Variants in ANKRD36 observed in about 807,000 individuals in gnomAD.
The protein encoded by ANKRD36 is ankyrin repeat domain-containing protein 36A.
Under a neutral mutation model 278.1 loss-of-function variants are expected in ANKRD36, and 179 were observed. The observed-to-expected ratio is 0.64, with a 90% confidence interval of 0.57 to 0.73. The LOEUF is 0.73. Among genes scored for constraint, ANKRD36 ranks in the 30% least tolerant of loss-of-function variants. The pLI is 0.00. For missense variants in ANKRD36, 1,159 were observed against 1,956.7 expected (o/e 0.59, Z 7.69); for synonymous variants, 320 against 641.1 (o/e 0.50, Z 7.57).
chr2:97,230,060 T>C (rs556851030), intron 67 of ANKRD36, among the ~76,000 whole-genome samples: 257 of 152,178 alleles, frequency 1.7e-3, no homozygotes, highest in Middle Eastern at 3.4e-3. Flanking sequence ...TCTCTCTGGC[T>C]GCCCTTAACA....
intron 10 of ANKRD36, among the ~76,000 whole-genome samples, chr2:97,145,283 G>A (rs2043976769): frequency 6.6e-6 from 1 of 152,054 alleles, no homozygotes; most frequent in African/African-American, 2.4e-5. Flanking sequence ...TTGCATAAAG[G>A]AAAATTTGAT....
chr2:97,148,138 C>G (rs1246921632), intron 11 of ANKRD36, among the ~76,000 whole-genome samples: 2 of 152,038 alleles, frequency 1.3e-5, no homozygotes, highest in East Asian at 3.9e-4. Flanking sequence ...ATCTGTGATC[C>G]AGGGTGGATG....
At chr2:97,169,915 A>G (rs190177072) in intron 22 of ANKRD36, among the ~76,000 whole-genome samples, 34 of 31,614 alleles carry the variant, frequency 1.1e-3, no homozygotes, top group African/African-American at 5.3e-3. Flanking sequence ...ACAGAATTAG[A>G]AAAAACTACT....
intron 36 of ANKRD36, among the ~76,000 whole-genome samples, chr2:97,191,893 A>G (rs2058595775): frequency 6.6e-6 from 1 of 151,714 alleles, no homozygotes; most frequent in Non-Finnish European, 1.5e-5. Context: ...AGTTATAGAA[A>G]TGAGACCAAC....
At chr2:97,203,874 A>G (rs1317515131) in intron 48 of ANKRD36, among the ~76,000 whole-genome samples, 194 bp from the exon 49 acceptor site, 3 of 151,828 alleles carry the variant, frequency 2.0e-5, no homozygotes, top group African/African-American at 7.3e-5. Context: ...TTCTAAGACT[A>G]TATTTCATGG....
chr2:97,133,789 C>T lies in ANKRD36; in HGVS notation c.799+6655C>T, dbSNP rs182113502. On this transcript the variant is annotated intron_variant, in intron 6 of 75. Coordinates refer to ENST00000420699, the MANE Select transcript of ANKRD36 (RefSeq NM_001354587.1). The stretch of plus-strand genomic sequence containing the variant: ...TATTTTAAGAGCAGTTTTATATTCT[C>T]AGCAATATTGAAAAGAACCTAAAGA... 1.5e-3 allele frequency among the ~76,000 whole-genome samples: 229 copies of T among 151,998 alleles called. 1 individual carries two copies. The highest frequency in any genetic ancestry group is 5.3e-3 in the African/African-American group (221 of 41,502).
intron 6 of ANKRD36, among the ~76,000 whole-genome samples, chr2:97,137,290 A>T (rs188340650): frequency 9.2e-5 from 14 of 151,718 alleles, no homozygotes; most frequent in Non-Finnish European, 2.1e-4. Flanking sequence ...GGGATTACAT[A>T]CGTGTGCCAC....
rs2034233452 is a variant in ANKRD36 at position 97,113,756 on chromosome 2, G to C, written c.17G>C (p.Arg6Pro). 1.2e-6 allele frequency: 2 copies of C among 1,612,558 alleles called. No individual in the cohort carries two copies. Among genetic ancestry groups the C allele is most frequent in the Non-Finnish European group, 1.7e-6 (2 of 1,179,954 alleles). Residue 6 changes from arginine (R) to proline (P), a missense_variant, in exon 1 of 76, where the codon CGG becomes CCG. Coordinates refer to ENST00000420699, the MANE Select transcript of ANKRD36 (RefSeq NM_001354587.1). MEDGK[R>P]ERWPTLMERL... ...CCGACGATTATGGAAGACGGCAAGC[G>C]GGAGAGGTGGCCCACCCTCATGGAG...
chr2:97,125,640 G>A (rs547662294), intron 5 of ANKRD36, among the ~76,000 whole-genome samples: 155 of 151,358 alleles, frequency 1.0e-3, no homozygotes, highest in South Asian at 2.5e-3. Flanking sequence ...CTCAGGTAGT[G>A]GAAGCTTCTA....
intron 11 of ANKRD36, 91 bp downstream of exon 11, chr2:97,146,607 T>C (rs988904525): frequency 7.9e-5 from 94 of 1,188,656 alleles, no homozygotes; most frequent in Admixed American, 1.4e-4. Context: ...TCCTCTGTGC[T>C]AGACACCATA....
intron 6 of ANKRD36, among the ~76,000 whole-genome samples, chr2:97,135,837 G>A (rs1227297957): frequency 6.6e-6 from 1 of 151,896 alleles, no homozygotes; most frequent in Non-Finnish European, 1.5e-5. Flanking sequence ...TATACATCTG[G>A]AATTTTATTT....
chr2:97,185,508 C>T lies in ANKRD36; in HGVS notation c.2039C>T (p.Thr680Ile). The stretch of plus-strand genomic sequence containing the variant: ...ATAAAGGATGGACTACAGTGTGGGA[C>T]AGGTAATTTTGCAAAACACATTTAA... ...TEIKDGLQCG[T>I]VSSQKQPALK... Residue 680 changes from threonine to isoleucine, a missense_variant and splice_region_variant, in exon 30 of 76, where the codon ACA becomes ATA. Coordinates refer to ENST00000420699, the MANE Select transcript of ANKRD36 (RefSeq NM_001354587.1). The T allele has an allele frequency of 6.2e-7, 1 of 1,610,332 alleles. No homozygotes were observed. The highest frequency in any genetic ancestry group is 1.3e-5 in the African/African-American group (1 of 74,762).
intron 67 of ANKRD36, among the ~76,000 whole-genome samples, chr2:97,232,828 A>C (rs901078715): frequency 6.6e-6 from 1 of 152,026 alleles, no homozygotes; most frequent in Admixed American, 6.6e-5. Context: ...GTACAAAAGC[A>C]AGAAACCCAG....
At chr2:97,205,238 TTGA>T (rs1558765028) in intron 50 of ANKRD36, among the ~76,000 whole-genome samples, 2 of 151,658 alleles carry the variant, frequency 1.3e-5, no homozygotes, top group Non-Finnish European at 3.0e-5. Flanking sequence ...AAATTGATAA[TTGA>T]TGATATTTTT....
In ANKRD36 at chr2:97,171,625, G is replaced by A. The variant is rs1292157411; in HGVS notation, c.1633+3858G>A. ...TAGATGACGAGTTAGTGGGTGCAGC[G>A]CACCAGCATGGCACATGTATACATA... On this transcript the variant is annotated intron_variant, in intron 22 of 75. Transcript: ENST00000420699. Among the ~76,000 whole-genome samples the A allele has an allele frequency of 6.3e-3, 880 of 138,624 alleles. 3 individuals are homozygous for A. The highest frequency in any genetic ancestry group is 0.01 in the Non-Finnish European group (670 of 64,630). The allele number at this position is 138,624 out of a possible 152,430, so 90.9% of individuals were successfully genotyped here.
intron 30 of ANKRD36, among the ~76,000 whole-genome samples, chr2:97,186,091 A>T (rs569357446): frequency 6.6e-6 from 1 of 151,956 alleles, no homozygotes; most frequent in Admixed American, 6.6e-5. Flanking sequence ...AAAAGATTTG[A>T]TTTTGGCAGC....
intron 3 of ANKRD36, among the ~76,000 whole-genome samples, chr2:97,120,829 T>C (rs1478613437): frequency 1.3e-5 from 2 of 152,130 alleles, no homozygotes; most frequent in African/African-American, 4.8e-5. Context: ...TTAGTTTGTG[T>C]CTACAAATTG....
chr2:97,192,179 A>G (rs756619788), intron 36 of ANKRD36, among the ~76,000 whole-genome samples: 5 of 151,718 alleles, frequency 3.3e-5, no homozygotes, highest in Admixed American at 6.6e-5. Context: ...TATTGTGGCT[A>G]ATATATTATC....
intron 67 of ANKRD36, 48 bp from the exon 68 acceptor site, chr2:97,233,682 C>T (rs2072957222): frequency 6.5e-7 from 1 of 1,528,012 alleles, no homozygotes; most frequent in Admixed American, 2.0e-5. Flanking sequence ...TTTGTATATG[C>T]TATAAATATT....
Sources: allele counts gnomAD v4.1 joint callset (sites outside exome capture counted in the v4.1 genomes callset), GRCh38; gene constraint gnomAD v4.1.1; transcripts MANE v1.5; gene names NCBI Gene and HGNC (gene_info 2026-07-23, HGNC 2026-07-21).